Variants in PHKG2 observed in about 807,000 individuals in gnomAD.
The protein encoded by PHKG2 is phosphorylase kinase catalytic subunit gamma 2.
In PHKG2, 28 loss-of-function variants were observed where a neutral mutation model predicts 44.5. The ratio of observed to expected loss-of-function variants is 0.63; its 90% CI spans 0.47 to 0.86. PHKG2 has a LOEUF of 0.86. PHKG2 is among the 40% of genes least tolerant of loss of function. The pLI is 0.00. For synonymous variants in PHKG2, 220 were observed against 211.2 expected (o/e 1.04, Z -0.36); for missense variants, 498 against 547.5 (o/e 0.91, Z 0.90).
intron 7 of PHKG2, 33 bp from the exon 8 acceptor site, chr16:30,756,334 C>G (rs1432699996): frequency 1.2e-6 from 2 of 1,614,068 alleles, no homozygotes; most frequent in East Asian, 4.5e-5. Context: ...CTGCCCGTCA[C>G]CTAGTCCCGC....
intron 3 of PHKG2, 25 bp downstream of exon 3, chr16:30,751,306 T>C (rs753841271): frequency 3.7e-6 from 6 of 1,606,510 alleles, no homozygotes; most frequent in Non-Finnish European, 4.2e-6. Context: ...CTTGCTCCTG[T>C]TAGCAGACGA....
At chr16:30,751,774 G>A in intron 4 of PHKG2, 171 bp downstream of exon 4, 1 of 754,190 alleles carries the variant, frequency 1.3e-6, no homozygotes, top group Non-Finnish European at 2.4e-6. Context: ...TTCTCCCTTG[G>A]TGCCATGATT....
In PHKG2 at chr16:30,757,645, T is replaced by TG; in HGVS notation, c.*550dup. ...GGTCTTGATGTAGGCTCGGAGGACG[T>TG]GGATGTGGCCTGCAGGGGCAGGGAA... On this transcript the variant is annotated 3_prime_UTR_variant, in exon 10 of 10. Transcript: ENST00000563588. 4 of 1,612,476 alleles carry TG rather than the reference T, an allele frequency of 2.5e-6. No homozygotes were observed. Among genetic ancestry groups the TG allele is most frequent in the Non-Finnish European group, 3.4e-6 (4 of 1,179,024 alleles).
chr16:30,755,183 A>T (rs900963495), intron 6 of PHKG2: 1 of 290,532 alleles, frequency 3.4e-6, no homozygotes, highest in Middle Eastern at 1.3e-3. Flanking sequence ...CCAAGGCTAC[A>T]ATGAGCTGTG....
chr16:30,754,953 G>C (rs1441796642), intron 6 of PHKG2: 19 of 451,242 alleles, frequency 4.2e-5, no homozygotes, highest in South Asian at 3.0e-4. Context: ...AGAAATACTT[G>C]GTGTAGGAAT....
intron 1 of PHKG2, 124 bp downstream of exon 1, chr16:30,748,614 T>A: frequency 4.7e-5 from 22 of 468,956 alleles, no homozygotes; most frequent in Admixed American, 6.8e-5. Context: ...CTCCCCTCCC[T>A]GCCCTGCCAT....
chr16:30,752,025 G>A (rs1003797191), intron 4 of PHKG2: 9 of 276,052 alleles, frequency 3.3e-5, no homozygotes, highest in Admixed American at 1.4e-4. Context: ...CCCGGGAGGC[G>A]GAGCTTGCAG....
chr16:30,757,485 C>G lies in PHKG2; in HGVS notation c.*388C>G. On this transcript the variant is annotated 3_prime_UTR_variant, in exon 10 of 10. Transcript: ENST00000563588. ...GGGAAAATGTTGGGGGTCACTTGGT[C>G]TTGCTCTTGCCTTTACCCGGAGGTA... is the stretch of plus-strand genomic sequence containing the variant. The G allele has an allele frequency of 6.2e-7, 1 of 1,613,592 alleles. No homozygotes were observed. The highest frequency in any genetic ancestry group is 2.2e-5 in the East Asian group (1 of 44,876).
At position 30,756,197 on chromosome 16, in the gene PHKG2, C is replaced by T; in HGVS notation, c.572C>T (p.Pro191Leu). Residue 191 changes from proline to leucine, a missense_variant, in exon 7 of 10, where the codon CCA becomes CTA. By Grantham distance (98) the Pro-to-Leu change is moderately conservative. Coordinates refer to ENST00000563588, the MANE Select transcript of PHKG2 (RefSeq NM_000294.3). ...CTCTCCCCAGAGTTGTGTGGGACCC[C>T]AGGGTATCTAGCGCCAGAGATCCTT... is the stretch of plus-strand genomic sequence containing the variant. ...GEKLRELCGT[P>L]GYLAPEILKC... The T allele has an allele frequency of 6.2e-7, 1 of 1,614,024 alleles. No individual in the cohort carries two copies. Among genetic ancestry groups the T allele is most frequent in the Non-Finnish European group, 8.5e-7 (1 of 1,179,882 alleles).
In PHKG2 at chr16:30,761,103, CT is replaced by C; in HGVS notation, c.*4007del. 1 of 1,433,048 alleles carries C rather than the reference CT, an allele frequency of 7.0e-7. No individual in the cohort carries two copies. Among genetic ancestry groups the C allele is most frequent in the Non-Finnish European group, 9.6e-7 (1 of 1,036,300 alleles). 88.8% of individuals were successfully genotyped at this position (1,433,048 alleles called of 1,614,324 possible). A position where few individuals can be genotyped will look rare whatever the true frequency, so the allele number is the denominator to read the frequency against. On this transcript the variant is annotated 3_prime_UTR_variant, in exon 10 of 10. Transcript: ENST00000563588. ...TTGCATCTCCAGGCCTCAGTCTCAT[CT>C]GTAAAATGGGGATGCCCTGGCCACA...
Position 30,759,078 on chromosome 16 carries a change from C to T in PHKG2, c.*1981C>T, listed in dbSNP as rs1477869921. 1.9e-6 allele frequency: 3 copies of T among 1,614,210 alleles called. No individual in the cohort carries two copies. In the South Asian group the frequency reaches 3.3e-5, roughly 18 times the overall value. ...TTCTGCGGGGTAACTGCCTGCTCCT[C>T]CATCTCCTTGCTTTCTTCTTTCTCT... On this transcript the variant is annotated 3_prime_UTR_variant, in exon 10 of 10. Coordinates refer to ENST00000563588, the MANE Select transcript of PHKG2 (RefSeq NM_000294.3).
rs759543408 is a variant in PHKG2 at position 30,759,179 on chromosome 16, C to T, written c.*2082C>T. ...CCCTGCCCTGGCACTCTCCCTTACC[C>T]GTCTCACTCTCTGGCCACAGTTTGG... On this transcript the variant is annotated 3_prime_UTR_variant, in exon 10 of 10. Coordinates refer to ENST00000563588, the MANE Select transcript of PHKG2 (RefSeq NM_000294.3). 2.0e-5 allele frequency: 32 copies of T among 1,614,084 alleles called. No individual in the cohort carries two copies. Among genetic ancestry groups the T allele is most frequent in the South Asian group, 1.1e-4 (10 of 91,090 alleles).
chr16:30,756,268 G>A lies in PHKG2; in HGVS notation c.643G>A (p.Asp215Asn), dbSNP rs767427889. ...ETHPGYGKEV[D>N]LWACGVILFT... ...CCACCCAGGCTATGGCAAGGAGGTCGACCTGTGAGTTCCTGGTCTCCCCCT... is the reference window on the plus strand; with the variant it reads ...CCACCCAGGCTATGGCAAGGAGGTCAACCTGTGAGTTCCTGGTCTCCCCCT... The change falls in exon 7 of 10, where the codon GAC becomes AAC. Residue 215 changes from aspartate to asparagine, a missense_variant. Transcript: ENST00000563588. 19 of 1,613,908 alleles carry A rather than the reference G, an allele frequency of 1.2e-5. No homozygotes were observed. The highest frequency in any genetic ancestry group is 2.2e-5 in the East Asian group (1 of 44,898).
chr16:30,756,296 C>G, intron 7 of PHKG2, 24 bp downstream of exon 7: 1 of 1,614,034 alleles, frequency 6.2e-7, no homozygotes, highest in Non-Finnish European at 8.5e-7. Flanking sequence ...CTCCCCCTCC[C>G]TCCCGTGCTT....
intron 2 of PHKG2, among the ~76,000 whole-genome samples, chr16:30,749,194 TGCTG>T (rs1567259722): frequency 3.0e-4 from 28 of 92,826 alleles, no homozygotes; most frequent in South Asian, 1.2e-3. Flanking sequence ...CTGGTGGTGG[TGCTG>T]GTGGTGGTGT....
chr16:30,752,930 C>G, intron 4 of PHKG2: 1 of 439,152 alleles, frequency 2.3e-6, no homozygotes, highest in South Asian at 2.8e-5. Flanking sequence ...TTTATAGATT[C>G]ACTTTGAGAG....
rs766522688 is a variant in PHKG2 at position 30,757,355 on chromosome 16, G to A, written c.*258G>A. On this transcript the variant is annotated 3_prime_UTR_variant, in exon 10 of 10. Coordinates refer to ENST00000563588, the MANE Select transcript of PHKG2 (RefSeq NM_000294.3). ...GCATATGAAATAAAATCTGCTACAC[G>A]CCAGGGAGAACAGGTGTCCTGTGTC... 27 of 1,534,566 alleles carry A rather than the reference G, an allele frequency of 1.8e-5. No homozygotes were observed. In the East Asian group the frequency reaches 3.4e-4, roughly 19 times the overall value.
chr16:30,759,768 T>C lies in PHKG2; in HGVS notation c.*2671T>C. The C allele has an allele frequency of 6.4e-7, 1 of 1,562,200 alleles. No individual in the cohort carries two copies. The highest frequency in any genetic ancestry group is 1.4e-5 in the African/African-American group (1 of 73,318). ...TGCAGCAGTGAGGCCCTCTCTGGTA[T>C]CCATTCATTCACTTCACTCAACAGC... is the stretch of plus-strand genomic sequence containing the variant. On this transcript the variant is annotated 3_prime_UTR_variant, in exon 10 of 10. Transcript: ENST00000563588.
At position 30,756,901 on chromosome 16, in the gene PHKG2, C is replaced by A; in HGVS notation, c.1025C>A (p.Ala342Glu). Residue 342 changes from alanine (A) to glutamate (E), a missense_variant, in exon 10 of 10, where the codon GCG becomes GAG. Ala to Glu is a moderately radical substitution (Grantham distance 107). Transcript: ENST00000563588. ...AATGCACTGTTGAGGGACCCTTATGCGCTGCGGTCAGTGCGGCACCTCATC... is the reference window on the plus strand; with the variant it reads ...AATGCACTGTTGAGGGACCCTTATGAGCTGCGGTCAGTGCGGCACCTCATC... ...TKNALLRDPY[A>E]LRSVRHLIDN... is the part of the protein sequence containing the mutation. The A allele has an allele frequency of 6.2e-7, 1 of 1,614,108 alleles. No homozygotes were observed. Among genetic ancestry groups the A allele is most frequent in the Non-Finnish European group, 8.5e-7 (1 of 1,180,028 alleles).
Sources: gnomAD v4.1 joint callset for allele counts (sites outside exome capture counted in the v4.1 genomes callset) on GRCh38, gnomAD v4.1.1 for gene constraint, MANE v1.5 for transcripts, NCBI Gene and HGNC (gene_info 2026-07-23, HGNC 2026-07-21) for gene names.